The following XYLT1 variants were observed in gnomAD, a reference collection of about 807,000 sequenced individuals.
XYLT1 encodes the protein xylosyltransferase 1.
In XYLT1, 36 loss-of-function variants were observed where a neutral mutation model predicts 91.3. The observed-to-expected ratio is 0.39, with a 90% CI of 0.30 to 0.52. The LOEUF is 0.52. Among genes scored for constraint, XYLT1 ranks in the 20% least tolerant of loss-of-function variants. The pLI, the probability that XYLT1 is intolerant of heterozygous loss-of-function variation, is 0.68. For synonymous variants in XYLT1, 588 were observed against 532.0 expected (o/e 1.11, Z -1.45); for missense variants, 1,242 against 1,284.5 (o/e 0.97, Z 0.51).
At chr16:17,448,020 T>C (rs2036614954) in intron 1 of XYLT1, among the ~76,000 whole-genome samples, 1 of 152,074 alleles carries the variant, frequency 6.6e-6, no homozygotes, top group Non-Finnish European at 1.5e-5. Flanking sequence ...AACATACACA[T>C]CAATTGTAAA....
chr16:17,437,445 T>C (rs1369913482), intron 1 of XYLT1, among the ~76,000 whole-genome samples: 1 of 152,218 alleles, frequency 6.6e-6, no homozygotes, highest in African/African-American at 2.4e-5. Context: ...ACAAGCAATC[T>C]TTATCTGTAC....
intron 2 of XYLT1, among the ~76,000 whole-genome samples, chr16:17,309,454 C>G (rs548653780): frequency 6.6e-6 from 1 of 152,240 alleles, no homozygotes; most frequent in African/African-American, 2.4e-5. Flanking sequence ...CACCCCATAC[C>G]TGGGTAGGGC....
chr16:17,155,830 A>G (rs1171618978), intron 6 of XYLT1, among the ~76,000 whole-genome samples: 1 of 152,166 alleles, frequency 6.6e-6, no homozygotes, highest in East Asian at 1.9e-4. Context: ...AGACTTCTTT[A>G]TGTTGTCCCA....
At chr16:17,436,296 T>A (rs933788951) in intron 1 of XYLT1, among the ~76,000 whole-genome samples, 1 of 152,208 alleles carries the variant, frequency 6.6e-6, no homozygotes. Flanking sequence ...GAGATGAGCA[T>A]GTCAAGGCCC....
intron 1 of XYLT1, among the ~76,000 whole-genome samples, chr16:17,462,878 A>G (rs1295806442): frequency 5.9e-5 from 9 of 152,244 alleles, no homozygotes; most frequent in African/African-American, 2.2e-4. Context: ...TCATGCACAA[A>G]GAGGGTTTAG....
intron 3 of XYLT1, among the ~76,000 whole-genome samples, chr16:17,238,784 C>A (rs1567336572): frequency 6.6e-6 from 1 of 152,240 alleles, no homozygotes; most frequent in Non-Finnish European, 1.5e-5. Context: ...GCTGTTCTTT[C>A]AGTTTCAACG....
intron 5 of XYLT1, among the ~76,000 whole-genome samples, chr16:17,167,729 G>T (rs898038896): frequency 3.3e-5 from 5 of 151,408 alleles, no homozygotes; most frequent in Non-Finnish European, 5.9e-5. Context: ...CTCGTGAATG[G>T]ATTCTAACCC....
At chr16:17,398,913 C>T (rs983492434) in intron 1 of XYLT1, among the ~76,000 whole-genome samples, 2 of 145,234 alleles carry the variant, frequency 1.4e-5, no homozygotes, top group Non-Finnish European at 1.5e-5. Flanking sequence ...GGCTCGATCT[C>T]GGCTCATTGC....
chr16:17,129,152 T>C (rs928802044), intron 9 of XYLT1, among the ~76,000 whole-genome samples: 1 of 151,934 alleles, frequency 6.6e-6, no homozygotes, highest in African/African-American at 2.4e-5. Context: ...CAAACCTGTT[T>C]TAAATCTGGA....
At chr16:17,253,861 A>AGAGAGAGAGAGAGAGG (rs2033587092) in intron 3 of XYLT1, among the ~76,000 whole-genome samples, 2 of 145,022 alleles carry the variant, frequency 1.4e-5, no homozygotes, top group Admixed American at 1.4e-4. Context: ...AGAGAGAGAG[A>AGAGAGAGAGAGAGAGG]GCGAGCCTGC....
chr16:17,444,029 C>G (rs530417863), intron 1 of XYLT1, among the ~76,000 whole-genome samples: 1 of 152,290 alleles, frequency 6.6e-6, no homozygotes, highest in East Asian at 1.9e-4. Context: ...GCACACTGGC[C>G]GTTCATCAAC....
intron 3 of XYLT1, among the ~76,000 whole-genome samples, chr16:17,218,139 T>C (rs2032895398): frequency 6.6e-6 from 1 of 151,856 alleles, no homozygotes; most frequent in Non-Finnish European, 1.5e-5. Context: ...GCGCCTGTAG[T>C]TTCAGCTACT....
intron 2 of XYLT1, among the ~76,000 whole-genome samples, chr16:17,268,213 T>C (rs929617129): frequency 1.1e-4 from 16 of 152,204 alleles, no homozygotes; most frequent in Non-Finnish European, 1.6e-4. Flanking sequence ...AGCCAGGTGT[T>C]ACAGAGATTT....
intron 6 of XYLT1, among the ~76,000 whole-genome samples, chr16:17,142,430 A>ATT (rs1491033343): frequency 7.1e-5 from 7 of 98,856 alleles, no homozygotes; most frequent in African/African-American, 1.0e-4. Context: ...TAAATCCTGT[A>ATT]ATTTTTTTTT....
chr16:17,250,481 G>T (rs1011447668), intron 3 of XYLT1: 1 of 152,208 alleles, frequency 6.6e-6, no homozygotes, highest in African/African-American at 2.4e-5. Context: ...CAATGGTAAA[G>T]TTGAATAGCT....
intron 2 of XYLT1, 88 bp downstream of exon 2, chr16:17,357,924 T>G: frequency 6.8e-7 from 1 of 1,463,534 alleles, no homozygotes; most frequent in Non-Finnish European, 9.4e-7. Flanking sequence ...CATGGGCCTG[T>G]CCAGCCTTTC....
At chr16:17,280,152 A>G (rs2141783348) in intron 2 of XYLT1, among the ~76,000 whole-genome samples, 1 of 152,298 alleles carries the variant, frequency 6.6e-6, no homozygotes, top group South Asian at 2.1e-4. Flanking sequence ...GGAGTTTGAG[A>G]CCAGCCTGGA....
At chr16:17,341,941 C>G (rs1323587160) in intron 2 of XYLT1, among the ~76,000 whole-genome samples, 1 of 152,164 alleles carries the variant, frequency 6.6e-6, no homozygotes, top group Non-Finnish European at 1.5e-5. Flanking sequence ...TTACAACATC[C>G]TTCCCCCTCA....
At chr16:17,433,493 G>A (rs7195598) in intron 1 of XYLT1, among the ~76,000 whole-genome samples, 51,316 of 152,150 alleles carry the variant, frequency 0.34, 9,796 homozygotes, top group African/African-American at 0.5. Context: ...GTCTGCAGTG[G>A]CCATCTTCCC....
Sources: gnomAD v4.1 joint callset for allele counts (sites outside exome capture counted in the v4.1 genomes callset) on GRCh38, gnomAD v4.1.1 for gene constraint, MANE v1.5 for transcripts, NCBI Gene and HGNC (gene_info 2026-07-23, HGNC 2026-07-21) for gene names.